Variants in EFCAB13 observed in about 807,000 individuals in gnomAD.
EFCAB13 encodes EF-hand calcium-binding domain-containing protein 13.
In EFCAB13, 91 loss-of-function variants were observed where a neutral mutation model predicts 110.2. That is an observed-to-expected ratio of 0.83 (90% CI 0.70 to 0.98). The LOEUF is 0.98. Among genes scored for constraint, EFCAB13 ranks in the 50% least tolerant of loss-of-function variants. The pLI, the probability that EFCAB13 is intolerant of heterozygous loss-of-function variation, is 0.00. For synonymous variants in EFCAB13, 323 were observed against 369.9 expected (o/e 0.87, Z 1.45); for missense variants, 968 against 1,119.4 (o/e 0.86, Z 1.93).
chr17:47,393,822 G>A (rs999077359), intron 15 of EFCAB13, among the ~76,000 whole-genome samples: 2 of 151,360 alleles, frequency 1.3e-5, no homozygotes, highest in Non-Finnish European at 2.9e-5. Context: ...ATTTTGACCC[G>A]TTTTCTTGGT....
chr17:47,417,214 A>C (rs1254685672), intron 23 of EFCAB13, among the ~76,000 whole-genome samples: 1 of 152,168 alleles, frequency 6.6e-6, no homozygotes, highest in Non-Finnish European at 1.5e-5. Flanking sequence ...CACCATCTTC[A>C]AGTTGAGTAG....
chr17:47,389,482 G>T (rs1423867012), intron 14 of EFCAB13, among the ~76,000 whole-genome samples: 3 of 151,958 alleles, frequency 2.0e-5, no homozygotes, highest in Admixed American at 6.6e-5. Context: ...GTCTTAGAGG[G>T]TTAGGTGAGA....
rs76299620 is a variant in EFCAB13 at position 47,370,436 on chromosome 17, G to C, written c.806-1G>C. On this transcript the variant is annotated splice_acceptor_variant, in intron 10 of 24. Transcript: ENST00000331493. LOFTEE classifies it high-confidence loss of function. ...CAGTATTTGAACTTATTCTATTACA[G>C]GTAACCACATGGTGGATATTGGGGA... The C allele has an allele frequency of 4.4e-6, 7 of 1,574,022 alleles. No homozygotes were observed. In the Admixed American group the frequency reaches 1.0e-4, roughly 23 times the overall value.
At chr17:47,433,023 C>G (rs1000449363) in intron 24 of EFCAB13, among the ~76,000 whole-genome samples, 3 of 152,138 alleles carry the variant, frequency 2.0e-5, no homozygotes, top group Non-Finnish European at 1.5e-5. Context: ...CTTGTTTTCA[C>G]TAATGTTCTT....
At chr17:47,327,065 A>C (rs185672959) in intron 3 of EFCAB13, among the ~76,000 whole-genome samples, 1 of 152,346 alleles carries the variant, frequency 6.6e-6, no homozygotes, top group African/African-American at 2.4e-5. Flanking sequence ...AAAATATGAA[A>C]ATTTGAGGAA....
At chr17:47,406,871 G>T (rs2065808152) in intron 20 of EFCAB13, among the ~76,000 whole-genome samples, 3 of 152,114 alleles carry the variant, frequency 2.0e-5, no homozygotes, top group Admixed American at 2.0e-4. Flanking sequence ...CTTCTTCACT[G>T]ACCTGTTTTT....
In EFCAB13 at chr17:47,344,262, C is replaced by G. The variant is rs750341759; in HGVS notation, c.404C>G (p.Ser135Ter). 2 of 1,612,692 alleles carry G rather than the reference C, an allele frequency of 1.2e-6. No homozygotes were observed. Among genetic ancestry groups the G allele is most frequent in the Non-Finnish European group, 1.7e-6 (2 of 1,179,024 alleles). Residue 135 changes from serine (S) to a stop codon, truncating the protein, a stop_gained, in exon 7 of 25, where the codon TCA becomes TGA. Coordinates refer to ENST00000331493, the MANE Select transcript of EFCAB13 (RefSeq NM_152347.5). LOFTEE classifies it high-confidence loss of function. ...CAGTACAGCGTTCACAAGACTTCAT[C>G]ACCTCTTTGTACATCTTCTGCAATT... The part of the protein sequence containing the change: ...PNQYSVHKTS[S>*]PLCTSSAITR...
At chr17:47,344,012 TTTAA>T (rs1332285808) in intron 6 of EFCAB13, 146 bp from the exon 7 acceptor site, 1 of 849,858 alleles carries the variant, frequency 1.2e-6, no homozygotes, top group African/African-American at 1.7e-5. Flanking sequence ...TTAAATGTAA[TTTAA>T]TTACAAAAGG....
At chr17:47,351,317 G>GCA (rs1555578791) in intron 9 of EFCAB13, among the ~76,000 whole-genome samples, 253 of 113,990 alleles carry the variant, frequency 2.2e-3, no homozygotes, top group African/African-American at 7.5e-3. Context: ...GCGCGCGCGC[G>GCA]CGCGCGCGCG....
chr17:47,363,903 A>G (rs1159601448), intron 10 of EFCAB13, among the ~76,000 whole-genome samples: 1 of 152,082 alleles, frequency 6.6e-6, no homozygotes, highest in African/African-American at 2.4e-5. Flanking sequence ...GCATGAGTGG[A>G]AGGATATGAT....
chr17:47,340,209 C>CCTTT (rs757685920), intron 5 of EFCAB13: 1 of 151,600 alleles, frequency 6.6e-6, no homozygotes, highest in Admixed American at 6.6e-5. Context: ...AATTATCTTA[C>CCTTT]CTTTCTTTCT....
At chr17:47,362,582 G>T (rs1008807932) in intron 10 of EFCAB13, among the ~76,000 whole-genome samples, 4 of 152,096 alleles carry the variant, frequency 2.6e-5, no homozygotes, top group Non-Finnish European at 5.9e-5. Flanking sequence ...ACTGATGTCA[G>T]GCCTGCCCGC....
intron 14 of EFCAB13, among the ~76,000 whole-genome samples, chr17:47,390,171 T>C (rs2065698284): frequency 6.6e-6 from 1 of 152,182 alleles, no homozygotes; most frequent in South Asian, 2.1e-4. Flanking sequence ...TAATTTGTTC[T>C]AGAGTTTGTG....
At chr17:47,409,763 C>T (rs2065824288) in intron 21 of EFCAB13, 72 bp downstream of exon 21, 6 of 1,179,598 alleles carry the variant, frequency 5.1e-6, no homozygotes, top group Non-Finnish European at 7.5e-6. Context: ...TGCCAAGTAC[C>T]AATGTATTTC....
At chr17:47,387,456 A>G (rs932400458) in intron 14 of EFCAB13, among the ~76,000 whole-genome samples, 5 of 152,262 alleles carry the variant, frequency 3.3e-5, no homozygotes, top group Admixed American at 6.5e-5. Flanking sequence ...CTTTAGGTCT[A>G]TTAATGTTTG....
Position 47,429,919 on chromosome 17 carries a change from A to G in EFCAB13, c.2596A>G (p.Asn866Asp). The change falls in exon 24 of 25, where the codon AAT (asparagine) becomes GAT (aspartate). Residue 866 changes from asparagine (N) to aspartate (D), a missense_variant. Transcript: ENST00000331493. Reference sequence around the variant, plus strand: ...GATGGACAAGGACCTTCATACAGCTAATGCTATACTTACTGTAATGTTAAG... The same window carrying G: ...GATGGACAAGGACCTTCATACAGCTGATGCTATACTTACTGTAATGTTAAG... Reference protein sequence around the residue: ...LLMDKDLHTANAILTVMLRHV... With the variant: ...LLMDKDLHTADAILTVMLRHV... 1.9e-6 allele frequency: 3 copies of G among 1,611,484 alleles called. No individual in the cohort carries two copies. The highest frequency in any genetic ancestry group is 2.5e-6 in the Non-Finnish European group (3 of 1,178,416).
intron 21 of EFCAB13, among the ~76,000 whole-genome samples, chr17:47,411,916 AC>A (rs2065837446): frequency 1.3e-5 from 2 of 152,112 alleles, no homozygotes; most frequent in Admixed American, 1.3e-4. Flanking sequence ...ACATGGCGAA[AC>A]CCCGTCTCTA....
chr17:47,370,829 CCTCCTGGGCTCAAGTGATT>C (rs2065579285), intron 11 of EFCAB13, among the ~76,000 whole-genome samples: 1 of 149,914 alleles, frequency 6.7e-6, no homozygotes, highest in Non-Finnish European at 1.5e-5. Context: ...GCAACCTCTG[CCTCCTGGGCTCAAGTGATT>C]CTCCTGCCTC....
chr17:47,420,804 C>T (rs1199485196), intron 23 of EFCAB13, among the ~76,000 whole-genome samples: 8 of 152,166 alleles, frequency 5.3e-5, no homozygotes, highest in East Asian at 1.9e-4. Flanking sequence ...CCACCCCATC[C>T]GGGAGGGAGG....
Sources: allele counts gnomAD v4.1 joint callset (sites outside exome capture counted in the v4.1 genomes callset), GRCh38; gene constraint gnomAD v4.1.1; transcripts MANE v1.5; gene names NCBI Gene and HGNC (gene_info 2026-07-23, HGNC 2026-07-21).